The following UST variants were observed in gnomAD, a reference collection of about 807,000 sequenced individuals.
UST encodes chondroitin sulfate 2-O-sulfotransferase.
UST carries 21 observed loss-of-function variants against 45.6 expected under a neutral mutation model. That is an observed-to-expected ratio of 0.46 (90% CI 0.33 to 0.66). The LOEUF (loss-of-function observed/expected upper bound fraction) is 0.66, where lower values mean the gene tolerates loss of function less well. UST is among the 30% of genes least tolerant of loss of function. The pLI is 0.02. For synonymous variants in UST, 215 were observed against 200.6 expected (o/e 1.07, Z -0.61); for missense variants, 463 against 512.4 (o/e 0.90, Z 0.93).
At chr6:149,043,014 T>TTTCTTTCTTG (rs1776342955) in intron 7 of UST, among the ~76,000 whole-genome samples, 2 of 76,080 alleles carry the variant, frequency 2.6e-5, no homozygotes, top group Admixed American at 1.0e-4. Flanking sequence ...TTTCTTTCTT[T>TTTCTTTCTTG]CTTTCTTTTT....
chr6:148,979,109 T>A (rs1781080074), intron 5 of UST, among the ~76,000 whole-genome samples: 1 of 152,154 alleles, frequency 6.6e-6, no homozygotes, highest in South Asian at 2.1e-4. Context: ...TCCTTTTTGA[T>A]AACCCACCAC....
At chr6:148,969,657 AG>A (rs1582933760) in intron 5 of UST, among the ~76,000 whole-genome samples, 1 of 152,104 alleles carries the variant, frequency 6.6e-6, no homozygotes, top group Non-Finnish European at 1.5e-5. Flanking sequence ...CATGACCTAA[AG>A]GGGCCATTTT....
intron 5 of UST, among the ~76,000 whole-genome samples, chr6:148,979,609 A>G (rs1294965769): frequency 4.6e-5 from 7 of 152,224 alleles, no homozygotes; most frequent in Non-Finnish European, 2.9e-5. Flanking sequence ...TCAGCTACAA[A>G]TGTGGAAGCA....
chr6:148,831,665 C>T (rs556244314), intron 1 of UST, among the ~76,000 whole-genome samples: 4 of 152,262 alleles, frequency 2.6e-5, no homozygotes, highest in Admixed American at 1.3e-4. Context: ...TGCGGTGGCT[C>T]ATGCATGTGG....
intron 4 of UST, among the ~76,000 whole-genome samples, chr6:148,960,489 C>T (rs927930162): frequency 6.6e-6 from 1 of 152,226 alleles, no homozygotes. Context: ...AAGATAACCT[C>T]TGCTTCCAGG....
At chr6:148,765,314 A>G (rs1351844474) in intron 1 of UST, among the ~76,000 whole-genome samples, 2 of 152,056 alleles carry the variant, frequency 1.3e-5, no homozygotes, top group Admixed American at 6.6e-5. Flanking sequence ...ACTGTCTTCT[A>G]TTGCTCTATA....
chr6:149,012,106 T>C (rs1215315926), intron 5 of UST, among the ~76,000 whole-genome samples: 1 of 152,198 alleles, frequency 6.6e-6, no homozygotes, highest in East Asian at 1.9e-4. Context: ...AACGTGCTTC[T>C]CTGCCTGATG....
chr6:148,770,476 G>A (rs977025234), intron 1 of UST, among the ~76,000 whole-genome samples: 4 of 151,818 alleles, frequency 2.6e-5, no homozygotes, highest in South Asian at 2.1e-4. Context: ...CAAGGTAGGC[G>A]CCTACAGTAA....
rs771336631 is a variant in UST, at chr6:148,941,375, G to A, written c.388G>A (p.Gly130Arg). The A allele has an allele frequency of 2.5e-5, 41 of 1,612,088 alleles. No homozygotes were observed. In the East Asian group the frequency reaches 3.1e-4, roughly 12 times the overall value. The change falls in exon 3 of 8, where the codon GGA becomes AGA. Residue 130 changes from glycine to arginine, a missense_variant. Gly to Arg is a moderately radical substitution (Grantham distance 125). Transcript: ENST00000367463. The part of the protein sequence containing the change: ...LLLRILSEKH[G>R]FNLVTSDIHN... ...TCTGAGAATCTTGTCGGAGAAGCACGGATTTAATTTGGTCACATCAGACAT... is the reference window on the plus strand; with the variant it reads ...TCTGAGAATCTTGTCGGAGAAGCACAGATTTAATTTGGTCACATCAGACAT...
chr6:148,965,673 C>A (rs1780776503), intron 5 of UST, among the ~76,000 whole-genome samples: 1 of 152,138 alleles, frequency 6.6e-6, no homozygotes, highest in East Asian at 1.9e-4. Flanking sequence ...TTCATGTTTT[C>A]AAATCCATGA....
At chr6:149,048,589 AAACTTTAAGC>A (rs1387074279) in intron 7 of UST, among the ~76,000 whole-genome samples, 1 of 152,202 alleles carries the variant, frequency 6.6e-6, no homozygotes, top group Non-Finnish European at 1.5e-5. Context: ...TGTTTAATTG[AAACTTTAAGC>A]ATGTTTAAAA....
intron 3 of UST, among the ~76,000 whole-genome samples, chr6:148,950,030 C>T (rs981628803): frequency 2.0e-5 from 3 of 152,216 alleles, no homozygotes; most frequent in African/African-American, 7.2e-5. Flanking sequence ...GCTCTCTTGG[C>T]CACTTGCCCT....
At chr6:148,875,826 G>A (rs78875000) in intron 1 of UST, among the ~76,000 whole-genome samples, 5,798 of 152,268 alleles carry the variant, frequency 0.038, 390 homozygotes, top group African/African-American at 0.13. Context: ...AAACAAGGAA[G>A]CTAAATATGA....
chr6:148,748,239 C>G lies in UST; in HGVS notation c.247+562C>G, dbSNP rs959683142. Among the ~76,000 whole-genome samples, 7 of 152,046 alleles carry G rather than the reference C, an allele frequency of 4.6e-5. No individual in the cohort carries two copies. The highest frequency in any genetic ancestry group is 1.0e-4 in the Non-Finnish European group (7 of 68,010). On this transcript the variant is annotated intron_variant, in intron 1 of 7. Coordinates refer to ENST00000367463, the MANE Select transcript of UST (RefSeq NM_005715.3). This position sits in a 1 kb window ranked among gnomAD's most constrained non-coding sequence, Gnocchi z 5.3. ...CCGGGCTGGCTTGTCCCTTGGCTGC[C>G]GCTGCCCACCCCGCCGCCCGCAGCT...
chr6:148,944,062 A>C (rs1037596382), intron 3 of UST, among the ~76,000 whole-genome samples: 5 of 152,182 alleles, frequency 3.3e-5, no homozygotes, highest in Admixed American at 2.0e-4. Flanking sequence ...AAACAGAAAA[A>C]ATATTATTTT....
intron 1 of UST, among the ~76,000 whole-genome samples, chr6:148,847,545 T>G (rs1392895392): frequency 6.6e-6 from 1 of 152,196 alleles, no homozygotes; most frequent in African/African-American, 2.4e-5. Context: ...AAATTTCCCC[T>G]CGTGTGGTTG....
At chr6:148,872,690 G>T (rs1431454071) in intron 1 of UST, among the ~76,000 whole-genome samples, 2 of 152,210 alleles carry the variant, frequency 1.3e-5, no homozygotes, top group South Asian at 4.1e-4. Context: ...TAAGATGTCA[G>T]TAGGGCTGTG....
At position 149,075,234 on chromosome 6, in the gene UST, T is replaced by G. The variant is rs1776875083; in HGVS notation, c.*1118T>G. 6.6e-6 allele frequency: 1 copy of G among 152,198 alleles called. No individual in the cohort carries two copies. Among genetic ancestry groups the G allele is most frequent in the East Asian group, 1.9e-4 (1 of 5,196 alleles). The allele number at this position is 152,198 out of a possible 1,614,324, so 9.4% of individuals were successfully genotyped here. ...GTGTGTAATCTATCAAACACACCCC[T>G]GGCCAAGTTGGGTCCTATAGGACCT... On this transcript the variant is annotated 3_prime_UTR_variant, in exon 8 of 8. Transcript: ENST00000367463.
intron 1 of UST, among the ~76,000 whole-genome samples, chr6:148,778,957 C>T (rs1776586004): frequency 6.6e-6 from 1 of 152,120 alleles, no homozygotes; most frequent in African/African-American, 2.4e-5. Flanking sequence ...TCATGGTGGT[C>T]ACAGCAGCTC....
Sources: gnomAD v4.1 joint callset for allele counts (sites outside exome capture counted in the v4.1 genomes callset) on GRCh38, gnomAD v4.1.1 for gene constraint, Gnocchi (gnomAD v3.1) non-coding constraint, MANE v1.5 for transcripts, NCBI Gene and HGNC (gene_info 2026-07-23, HGNC 2026-07-21) for gene names.